The following MEGF8 variants were observed in gnomAD, a reference collection of about 807,000 sequenced individuals.
MEGF8 encodes the protein multiple epidermal growth factor-like domains protein 8.
In MEGF8, 156 loss-of-function variants were observed where a neutral mutation model predicts 302.9. That is an observed-to-expected ratio of 0.52 (90% CI 0.45 to 0.59). MEGF8 has a LOEUF of 0.59. MEGF8 is among the 20% of genes least tolerant of loss of function. The probability of loss-of-function intolerance (pLI) is 0.00; values close to 1 mark genes in which losing one functional copy is unlikely to be tolerated. For missense variants in MEGF8, 3,345 were observed against 3,964.5 expected (o/e 0.84, Z 4.20); for synonymous variants, 1,621 against 1,660.5 (o/e 0.98, Z 0.58).
chr19:42,344,467 G>C lies in MEGF8; in HGVS notation c.1815G>C (p.Leu605=), dbSNP rs775596744. The C allele has an allele frequency of 6.3e-7, 1 of 1,596,556 alleles. No homozygotes were observed. The highest frequency in any genetic ancestry group is 1.1e-5 in the South Asian group (1 of 90,780). The part of the protein sequence containing the change: ...GACPAASCLG[L]GRLLGDCQAC... ...GTCCAGCCGCCAGCTGCCTGGGCCTGGGCCGCCTCCTGGGTGACTGCCAGG... is the reference window on the plus strand; with the variant it reads ...GTCCAGCCGCCAGCTGCCTGGGCCTCGGCCGCCTCCTGGGTGACTGCCAGG... The change falls in exon 11 of 42, where the codon CTG becomes CTC. Residue 605 remains leucine (L), a synonymous_variant. Coordinates refer to ENST00000251268, the MANE Select transcript of MEGF8 (RefSeq NM_001271938.2). The surrounding 1 kb of genome is among the most constrained non-coding windows in gnomAD (Gnocchi z 4.5).
chr19:42,334,200 G>T lies in MEGF8; in HGVS notation c.545G>T (p.Gly182Val). ...TGCTCAGCCTACTGTGGCAGCCACG[G>T]CACCTGCGCCTCGGTGAGCCGGTCC... ...QECSAYCGSH[G>V]TCASPLGPCR... Residue 182 changes from glycine to valine, a missense_variant, in exon 3 of 42, where the codon GGC becomes GTC. Physicochemically the swap from Gly to Val is moderately radical, Grantham distance 109. Coordinates refer to ENST00000251268, the MANE Select transcript of MEGF8 (RefSeq NM_001271938.2). 6.2e-7 allele frequency: 1 copy of T among 1,600,092 alleles called. No individual in the cohort carries two copies. Among genetic ancestry groups the T allele is most frequent in the Non-Finnish European group, 8.5e-7 (1 of 1,172,474 alleles).
rs1020836500 is a variant in MEGF8 at position 42,352,271 on chromosome 19, G to A, written c.3165G>A (p.Glu1055=). The A allele has an allele frequency of 9.6e-6, 15 of 1,563,140 alleles. No individual in the cohort carries two copies. The highest frequency in any genetic ancestry group is 1.7e-4 in the Middle Eastern group (1 of 5,960). Residue 1055 remains glutamate, a synonymous_variant, in exon 19 of 42, where the codon GAG becomes GAA. Transcript: ENST00000251268. This position sits in a 1 kb window ranked among gnomAD's most constrained non-coding sequence, Gnocchi z 4.4. ...GTAACTGCTCCCTGTGGGTGGGGGA[G>A]GGCCTGGGGCTTCCCGTGGCCCTCC... ...GGGNCSLWVG[E]GLGLPVALPA...
chr19:42,370,854 GGGGGGGGGGGGGGGGGGGA>G (rs1568577138), intron 40 of MEGF8, 23 bp downstream of exon 40: 2 of 214,382 alleles, frequency 9.3e-6, no homozygotes, highest in Non-Finnish European at 9.8e-6. Flanking sequence ...GGGGGGGGGG[GGGGGGGGGGGGGGGGGGGA>G]GGCCGGGGAT....
intron 32 of MEGF8, among the ~76,000 whole-genome samples, 165 bp downstream of exon 32, chr19:42,361,171 G>T (rs1012807846): frequency 4.6e-5 from 7 of 152,232 alleles, no homozygotes; most frequent in Non-Finnish European, 8.8e-5. Context: ...GGGGATCCCT[G>T]CCTGGGACTG....
At chr19:42,360,129 T>TG (rs2039509739) in intron 31 of MEGF8, among the ~76,000 whole-genome samples, 1 of 146,524 alleles carries the variant, frequency 6.8e-6, no homozygotes, top group Admixed American at 6.9e-5. Flanking sequence ...GCAGCCTGGG[T>TG]GACAGAGCAA....
In MEGF8 at chr19:42,351,339, G is replaced by A. The variant is rs550645221; in HGVS notation, c.2855+5G>A. On this transcript the variant is annotated splice_donor_5th_base_variant and intron_variant, in intron 16 of 41. Transcript: ENST00000251268. This position sits in a 1 kb window ranked among gnomAD's most constrained non-coding sequence, Gnocchi z 5.6. ...GTGTCCCCCGCTCTGCAGCCAGTGA[G>A]TCAGGCTGGGTGCAGGGAGTGGGTG... The A allele has an allele frequency of 1.9e-6, 3 of 1,567,510 alleles. No individual in the cohort carries two copies. Among genetic ancestry groups the A allele is most frequent in the Admixed American group, 1.9e-5 (1 of 52,542 alleles).
Position 42,360,799 on chromosome 19 carries a change from TGGA to T in MEGF8, c.5518_5520del (p.Glu1840del). 2.5e-6 allele frequency: 4 copies of T among 1,598,716 alleles called. No homozygotes were observed. The highest frequency in any genetic ancestry group is 3.4e-6 in the Non-Finnish European group (4 of 1,172,976). On this transcript the variant is annotated inframe_deletion, in exon 32 of 42. Coordinates refer to ENST00000251268, the MANE Select transcript of MEGF8 (RefSeq NM_001271938.2). ...GGCTCGGCCTCTGTGGGGCCCCCAA[TGGA>T]GGAGTCTGTGGCCCATGCTGTGGCA...
chr19:42,326,739 CT>C (rs34036568), intron 1 of MEGF8, among the ~76,000 whole-genome samples: 57,193 of 118,010 alleles, frequency 0.48, 14,218 homozygotes, highest in African/African-American at 0.78. Context: ...ACTACTACTA[CT>C]TTTTTTTTTT....
intron 41 of MEGF8, among the ~76,000 whole-genome samples, chr19:42,374,030 T>C (rs1372403131): frequency 1.3e-5 from 2 of 152,154 alleles, no homozygotes; most frequent in African/African-American, 4.8e-5. Flanking sequence ...GTTCTAATAG[T>C]GATTGCAGTA....
rs1441569861 is a variant in MEGF8, at chr19:42,335,064, C to G, written c.588C>G (p.Gly196=). 3.1e-6 allele frequency: 5 copies of G among 1,613,466 alleles called. No individual in the cohort carries two copies. Among genetic ancestry groups the G allele is most frequent in the Non-Finnish European group, 4.2e-6 (5 of 1,179,760 alleles). The change falls in exon 4 of 42, where the codon GGC becomes GGG. Residue 196 remains glycine (G), a synonymous_variant. Transcript: ENST00000251268. ...SPLGPCRCEP[G]FLGRACDLHL... is the part of the protein sequence containing the mutation. ...TGGGACCATGCCGCTGTGAGCCTGG[C>G]TTCTTGGGACGTGCCTGTGACCTGC...
chr19:42,353,451 T>C lies in MEGF8; in HGVS notation c.3551-14T>C. 3.7e-6 allele frequency: 6 copies of C among 1,608,712 alleles called. No individual in the cohort carries two copies. The highest frequency in any genetic ancestry group is 4.2e-6 in the Non-Finnish European group (5 of 1,178,846). On this transcript the variant is annotated splice_polypyrimidine_tract_variant and intron_variant, in intron 20 of 41. Transcript: ENST00000251268. The surrounding 1 kb of genome is among the most constrained non-coding windows in gnomAD (Gnocchi z 6.1). Reference sequence around the variant, plus strand: ...CTTGACTTGACTCTGTCCCACCTGCTGGGGCCTCCACAGACTGGACATGGG... The same window carrying C: ...CTTGACTTGACTCTGTCCCACCTGCCGGGGCCTCCACAGACTGGACATGGG...
Position 42,349,595 on chromosome 19 carries a change from C to G in MEGF8, c.2395C>G (p.His799Asp), listed in dbSNP as rs2039339500. 1.2e-6 allele frequency: 2 copies of G among 1,611,846 alleles called. No homozygotes were observed. The highest frequency in any genetic ancestry group is 1.7e-6 in the Non-Finnish European group (2 of 1,179,810). The change falls in exon 14 of 42, where the codon CAC (histidine) becomes GAC (aspartate). Residue 799 changes from histidine to aspartate, a missense_variant. His to Asp is a moderately conservative substitution (Grantham distance 81). Transcript: ENST00000251268. ...CCTCTTCCCTCTGCCTGGGCGGGAC[C>G]ACAAGTATGCAGTAGAGATCCAGGG... ...ARLFPLPGRD[H>D]KYAVEIQGQL...
chr19:42,338,883 G>A (rs1190978564), intron 8 of MEGF8, among the ~76,000 whole-genome samples: 2 of 126,682 alleles, frequency 1.6e-5, no homozygotes, highest in African/African-American at 3.1e-5. Context: ...CGCCCAGGCT[G>A]GAGTGCAGTG....
intron 41 of MEGF8, among the ~76,000 whole-genome samples, chr19:42,374,088 G>A (rs1331275272): frequency 1.3e-5 from 2 of 152,148 alleles, no homozygotes; most frequent in Non-Finnish European, 2.9e-5. Flanking sequence ...ATGCTGTGCT[G>A]TGTAGACAGT....
In MEGF8 at chr19:42,344,943, A is replaced by G; in HGVS notation, c.2097+110A>G. ...TTATGTTTACTCCAAAACTCTTTAC[A>G]TTCAAGGGTCTTATTTTCCTTATGG... On this transcript the variant is annotated intron_variant, in intron 12 of 41. Transcript: ENST00000251268. This position sits in a 1 kb window ranked among gnomAD's most constrained non-coding sequence, Gnocchi z 4.5. 2 of 1,160,382 alleles carry G rather than the reference A, an allele frequency of 1.7e-6. No homozygotes were observed. Among genetic ancestry groups the G allele is most frequent in the Non-Finnish European group, 2.3e-6 (2 of 865,706 alleles). 71.9% of individuals were successfully genotyped at this position (1,160,382 alleles called of 1,614,324 possible).
chr19:42,355,864 C>T lies in MEGF8; in HGVS notation c.4251C>T (p.Val1417=). 2 of 1,571,054 alleles carry T rather than the reference C, an allele frequency of 1.3e-6. No individual in the cohort carries two copies. The highest frequency in any genetic ancestry group is 1.7e-6 in the Non-Finnish European group (2 of 1,158,318). Residue 1417 remains valine (V), a synonymous_variant, in exon 24 of 42, where the codon GTC becomes GTT. Coordinates refer to ENST00000251268, the MANE Select transcript of MEGF8 (RefSeq NM_001271938.2). ...CAGGGGGCCCCGGGAGCTGTCCCGT[C>T]CCCCAGGAATGCGTGCCCCAGGACG... ...CGSGGPGSCP[V]PQECVPQDGA... is the part of the protein sequence containing the mutation.
At position 42,344,294 on chromosome 19, in the gene MEGF8, C is replaced by A; in HGVS notation, c.1789-147C>A. On this transcript the variant is annotated intron_variant, in intron 10 of 41. Transcript: ENST00000251268. The surrounding 1 kb of genome is among the most constrained non-coding windows in gnomAD (Gnocchi z 4.5). ...GTGACCCCATCCCCGCATCCCCCGT[C>A]CTCTGGATCTCCCACATTCCAAGTC... 3 of 1,177,546 alleles carry A rather than the reference C, an allele frequency of 2.5e-6. No individual in the cohort carries two copies. The highest frequency in any genetic ancestry group is 3.5e-6 in the Non-Finnish European group (3 of 858,788). 72.9% of individuals were successfully genotyped at this position (1,177,546 alleles called of 1,614,324 possible).
chr19:42,345,902 TTTG>T (rs1030917281), intron 12 of MEGF8, among the ~76,000 whole-genome samples: 5 of 152,168 alleles, frequency 3.3e-5, no homozygotes, highest in South Asian at 2.1e-4. Context: ...TTATTGATTT[TTTG>T]TTGTTGTTGT....
intron 41 of MEGF8, among the ~76,000 whole-genome samples, chr19:42,374,439 C>T (rs1473488830): frequency 6.7e-6 from 1 of 150,078 alleles, no homozygotes; most frequent in African/African-American, 2.5e-5. Context: ...CCACTGCACT[C>T]CAGCCTGGGC....
Sources: gnomAD v4.1 joint callset for allele counts (sites outside exome capture counted in the v4.1 genomes callset) on GRCh38, gnomAD v4.1.1 for gene constraint, Gnocchi (gnomAD v3.1) non-coding constraint, MANE v1.5 for transcripts, NCBI Gene and HGNC (gene_info 2026-07-23, HGNC 2026-07-21) for gene names.